GLYATL3: variants seen among roughly 807,000 people sequenced by gnomAD.
GLYATL3 encodes the protein glycine N-acyltransferase-like protein 3.
GLYATL3 carries 31 observed loss-of-function variants against 28.5 expected under a neutral mutation model. That is an observed-to-expected ratio of 1.09 (90% CI 0.82 to 1.47). The LOEUF (loss-of-function observed/expected upper bound fraction) is 1.47. Ranked by LOEUF, GLYATL3 falls within the 40% of genes most tolerant of loss-of-function variation. GLYATL3 has a pLI of 0.00. For synonymous variants in GLYATL3, 141 were observed against 140.2 expected (o/e 1.01, Z -0.04); for missense variants, 369 against 351.5 (o/e 1.05, Z -0.40).
rs1166844830 is a variant in GLYATL3 at position 49,526,712 on chromosome 6, G to A, written c.665G>A (p.Arg222His). The stretch of plus-strand genomic sequence containing the variant: ...CATGGCTACACCCTGCCAGAACATC[G>A]CAGGAAAGGTTACAGCCGGCTGGTG... ...MCHGYTLPEH[R>H]RKGYSRLVAL... Residue 222 changes from arginine to histidine, a missense_variant, in exon 6 of 6, where the codon CGC becomes CAC. By Grantham distance (29) the Arg-to-His change is conservative. Coordinates refer to ENST00000371197, the MANE Select transcript of GLYATL3 (RefSeq NM_001010904.2). 1.3e-6 allele frequency: 2 copies of A among 1,551,738 alleles called. No homozygotes were observed. The highest frequency in any genetic ancestry group is 1.2e-5 in the South Asian group (1 of 84,058).
chr6:49,503,396 TA>T (rs1354812559), intron 1 of GLYATL3, among the ~76,000 whole-genome samples: 1 of 152,252 alleles, frequency 6.6e-6, no homozygotes, highest in Non-Finnish European at 1.5e-5. Flanking sequence ...GTTCAGGTCC[TA>T]AGTGGGGAAC....
chr6:49,527,458 C>G lies in GLYATL3; in HGVS notation c.*544C>G, dbSNP rs1048946756. Among the ~76,000 whole-genome samples the G allele has an allele frequency of 1.3e-5, 2 of 152,270 alleles. No homozygotes were observed. Among genetic ancestry groups the G allele is most frequent in the South Asian group, 2.1e-4 (1 of 4,828 alleles). On this transcript the variant is annotated 3_prime_UTR_variant, in exon 6 of 6. Coordinates refer to ENST00000371197, the MANE Select transcript of GLYATL3 (RefSeq NM_001010904.2). Reference sequence around the variant, plus strand: ...CTTTACTTCTGCCTAGGACTCTAGCCTATAGTTCACTGCCCTGGGAATGTT... The same window carrying G: ...CTTTACTTCTGCCTAGGACTCTAGCGTATAGTTCACTGCCCTGGGAATGTT...
At chr6:49,506,927 A>C (rs867326899) in intron 1 of GLYATL3, among the ~76,000 whole-genome samples, 29 of 152,228 alleles carry the variant, frequency 1.9e-4, no homozygotes, top group Middle Eastern at 3.4e-3. Flanking sequence ...GTGTTGAAAG[A>C]AACAGTAGGC....
intron 1 of GLYATL3, among the ~76,000 whole-genome samples, chr6:49,506,077 A>G (rs922222320): frequency 4.6e-5 from 7 of 152,212 alleles, no homozygotes; most frequent in Non-Finnish European, 1.0e-4. Context: ...GAGATAATTG[A>G]TGTCACCTAG....
chr6:49,521,179 A>G (rs1769309726), intron 4 of GLYATL3, among the ~76,000 whole-genome samples: 2 of 152,110 alleles, frequency 1.3e-5, no homozygotes, highest in African/African-American at 4.8e-5. Context: ...TCTCACCAAC[A>G]CTGAGTTACA....
intron 5 of GLYATL3, among the ~76,000 whole-genome samples, chr6:49,524,138 A>G (rs1241985694): frequency 6.6e-6 from 1 of 152,130 alleles, no homozygotes; most frequent in Admixed American, 6.5e-5. Flanking sequence ...CTCTAACACA[A>G]CTACTCCTGA....
chr6:49,515,081 T>A (rs57592691), intron 2 of GLYATL3, among the ~76,000 whole-genome samples: 6,143 of 152,266 alleles, frequency 0.04, 387 homozygotes, highest in African/African-American at 0.14. Context: ...CCTCAGGGAA[T>A]GCTTATAGAG....
chr6:49,521,135 A>G (rs1241047752), intron 4 of GLYATL3, among the ~76,000 whole-genome samples: 1 of 152,200 alleles, frequency 6.6e-6, no homozygotes, highest in Non-Finnish European at 1.5e-5. Context: ...TAACTATGAC[A>G]AGTGGAATCT....
chr6:49,521,349 C>T (rs1156329888), intron 4 of GLYATL3, among the ~76,000 whole-genome samples: 2 of 152,078 alleles, frequency 1.3e-5, no homozygotes, highest in Admixed American at 1.3e-4. Flanking sequence ...TCCAAAGTAT[C>T]AATATTCTCC....
intron 1 of GLYATL3, among the ~76,000 whole-genome samples, chr6:49,505,997 G>T (rs1769004671): frequency 6.6e-6 from 1 of 152,188 alleles, no homozygotes; most frequent in Non-Finnish European, 1.5e-5. Flanking sequence ...GGACTGTTTA[G>T]ATCTGTATTT....
At chr6:49,508,621 T>A (rs1769059206) in intron 1 of GLYATL3, among the ~76,000 whole-genome samples, 1 of 152,218 alleles carries the variant, frequency 6.6e-6, no homozygotes, top group Non-Finnish European at 1.5e-5. Context: ...GCTATGAATA[T>A]CTGCTTTTCT....
intron 4 of GLYATL3, among the ~76,000 whole-genome samples, chr6:49,518,998 C>G (rs1009441813): frequency 1.6e-4 from 25 of 152,090 alleles, no homozygotes; most frequent in Admixed American, 2.6e-4. Flanking sequence ...GCAAGAAGCT[C>G]TAAACTATCT....
At chr6:49,516,177 C>A (rs985992560) in intron 3 of GLYATL3, among the ~76,000 whole-genome samples, 10 of 152,006 alleles carry the variant, frequency 6.6e-5, no homozygotes, top group Admixed American at 3.3e-4. Flanking sequence ...GAACTCCTGA[C>A]CTCAGGTGAT....
chr6:49,525,715 G>A (rs1205509236), intron 5 of GLYATL3, among the ~76,000 whole-genome samples: 1 of 152,074 alleles, frequency 6.6e-6, no homozygotes, highest in African/African-American at 2.4e-5. Flanking sequence ...AGCAAAGTAG[G>A]TAAATCCTCT....
chr6:49,500,864 A>G (rs761588240), intron 1 of GLYATL3, among the ~76,000 whole-genome samples: 1 of 152,218 alleles, frequency 6.6e-6, no homozygotes, highest in Non-Finnish European at 1.5e-5. Context: ...TTCTGCATCA[A>G]TGAGAATTTC....
intron 4 of GLYATL3, among the ~76,000 whole-genome samples, chr6:49,520,411 A>G (rs1412622919): frequency 6.6e-6 from 1 of 152,216 alleles, no homozygotes; most frequent in Admixed American, 6.5e-5. Context: ...TAGCCACAGC[A>G]TCTGTAATTT....
chr6:49,520,869 A>G (rs1308890690), intron 4 of GLYATL3, among the ~76,000 whole-genome samples: 1 of 152,102 alleles, frequency 6.6e-6, no homozygotes, highest in Non-Finnish European at 1.5e-5. Context: ...AAACAAAACA[A>G]AACTTAAAAA....
chr6:49,503,153 G>A (rs961127480), intron 1 of GLYATL3, among the ~76,000 whole-genome samples: 2 of 151,476 alleles, frequency 1.3e-5, no homozygotes, highest in African/African-American at 2.4e-5. Context: ...GAGAGGTGGT[G>A]TGGGGACATT....
In GLYATL3 at chr6:49,517,693, A is replaced by G. The variant is rs534547893; in HGVS notation, c.313+137A>G. 16 of 536,842 alleles carry G rather than the reference A, an allele frequency of 3.0e-5. No individual in the cohort carries two copies. The South Asian group carries it at 3.6e-4, about 12-fold the overall frequency. The allele number at this position is 536,842 out of a possible 1,614,324, so 33.3% of individuals were successfully genotyped here. ...CACCTGTATGTATAAATACATACAC[A>G]TACATTTTATGCATTTACCATTTCT... On this transcript the variant is annotated intron_variant, in intron 4 of 5. Coordinates refer to ENST00000371197, the MANE Select transcript of GLYATL3 (RefSeq NM_001010904.2).
Sources: allele counts gnomAD v4.1 joint callset (sites outside exome capture counted in the v4.1 genomes callset), GRCh38; gene constraint gnomAD v4.1.1; transcripts MANE v1.5; gene names NCBI Gene and HGNC (gene_info 2026-07-23, HGNC 2026-07-21).